ATF7IP2: variants seen among roughly 807,000 people sequenced by gnomAD.
The protein encoded by ATF7IP2 is activating transcription factor 7 interacting protein 2, also known as activating transcription factor 7-interacting protein 2.
ATF7IP2 carries 42 observed loss-of-function variants against 64.2 expected under a neutral mutation model. The ratio of observed to expected loss-of-function variants is 0.65; its 90% CI spans 0.51 to 0.85. The LOEUF is 0.85. Among genes scored for constraint, ATF7IP2 ranks in the 40% least tolerant of loss-of-function variants. The pLI, the probability that ATF7IP2 is intolerant of heterozygous loss-of-function variation, is 0.00. For missense variants in ATF7IP2, 933 were observed against 784.2 expected (o/e 1.19, Z -2.27); for synonymous variants, 308 against 272.8 (o/e 1.13, Z -1.27).
In ATF7IP2 at chr16:10,422,465, C is replaced by G. The variant is rs183826861; in HGVS notation, c.-160+2842C>G. On this transcript the variant is annotated intron_variant, in intron 3 of 13. Transcript: ENST00000562102. Reference sequence around the variant, plus strand: ...TCATTGTTGTAATAAATCTCTCCCCCATAAATTTATAGGTATAGAAGTTAC... The same window carrying G: ...TCATTGTTGTAATAAATCTCTCCCCGATAAATTTATAGGTATAGAAGTTAC... 6.5e-3 allele frequency among the ~76,000 whole-genome samples: 993 copies of G among 152,286 alleles called. 5 individuals carry two copies. Among genetic ancestry groups the G allele is most frequent in the Non-Finnish European group, 0.012 (785 of 68,030 alleles).
chr16:10,474,143 C>A (rs1390357745), intron 12 of ATF7IP2, among the ~76,000 whole-genome samples, 154 bp downstream of exon 12: 3 of 152,158 alleles, frequency 2.0e-5, no homozygotes, highest in Non-Finnish European at 4.4e-5. Flanking sequence ...ATTCATGTAA[C>A]TGCCGTCACA....
chr16:10,418,763 A>T (rs1237824302), intron 2 of ATF7IP2, among the ~76,000 whole-genome samples: 7 of 152,086 alleles, frequency 4.6e-5, no homozygotes, highest in Admixed American at 4.6e-4. Flanking sequence ...CCAAATTTTG[A>T]TCTTATTAAG....
At chr16:10,467,698 A>G (rs1244565793) in intron 9 of ATF7IP2, among the ~76,000 whole-genome samples, 1 of 145,474 alleles carries the variant, frequency 6.9e-6, no homozygotes, top group African/African-American at 2.6e-5. Flanking sequence ...TCCTGAGTAG[A>G]GCTCCCACCA....
chr16:10,399,895 C>G (rs2047493410), intron 1 of ATF7IP2, among the ~76,000 whole-genome samples: 1 of 152,120 alleles, frequency 6.6e-6, no homozygotes, highest in African/African-American at 2.4e-5. Flanking sequence ...TATAGGAGGT[C>G]TTTGACCTCC....
intron 1 of ATF7IP2, chr16:10,387,247 C>T (rs753964553): frequency 6.6e-6 from 1 of 152,290 alleles, no homozygotes; most frequent in East Asian, 1.9e-4. Flanking sequence ...AAAAATGAAG[C>T]ATCTGAATGA....
intron 9 of ATF7IP2, among the ~76,000 whole-genome samples, chr16:10,469,799 T>C (rs1173086746): frequency 6.6e-6 from 1 of 151,526 alleles, no homozygotes; most frequent in East Asian, 1.9e-4. Flanking sequence ...GAACAAAAAG[T>C]AAGAATGGCA....
chr16:10,443,118 C>T lies in ATF7IP2; in HGVS notation c.1194+2656C>T, dbSNP rs565622524. Among the ~76,000 whole-genome samples the T allele has an allele frequency of 2.6e-5, 4 of 152,276 alleles. No individual in the cohort carries two copies. In the South Asian group the frequency reaches 8.3e-4, roughly 32 times the overall value. ...CGCAAGTACTGCTCCAGTTATTTGG[C>T]AGAGTGTCCAATAAGGGTCCACCAC... On this transcript the variant is annotated intron_variant, in intron 8 of 13. Coordinates refer to ENST00000562102, the MANE Select transcript of ATF7IP2 (RefSeq NM_001393719.1).
In ATF7IP2 at chr16:10,428,217, C is replaced by G. The variant is rs147625615; in HGVS notation, c.-159-651C>G. Among the ~76,000 whole-genome samples, 141 of 152,260 alleles carry G rather than the reference C, an allele frequency of 9.3e-4. 1 individual carries two copies. The Middle Eastern group carries it at 0.017, about 18-fold the overall frequency. ...AATGCAGGTTACTGATAGTATTCTA[C>G]TTATTTGTTGCAGGTGTTTCAAAGA... On this transcript the variant is annotated intron_variant, in intron 3 of 13. Transcript: ENST00000562102.
intron 1 of ATF7IP2, among the ~76,000 whole-genome samples, chr16:10,412,073 G>C (rs1372165423): frequency 1.6e-5 from 2 of 127,734 alleles, no homozygotes; most frequent in African/African-American, 3.0e-5. Flanking sequence ...TGTGCACAAG[G>C]TACAGGTTTG....
chr16:10,398,470 C>A (rs1269056221), intron 1 of ATF7IP2, among the ~76,000 whole-genome samples: 1 of 151,970 alleles, frequency 6.6e-6, no homozygotes, highest in African/African-American at 2.4e-5. Context: ...GGATATATAT[C>A]TAAAGGATAT....
At chr16:10,400,440 C>T (rs929363819) in intron 1 of ATF7IP2, among the ~76,000 whole-genome samples, 5 of 152,204 alleles carry the variant, frequency 3.3e-5, no homozygotes, top group African/African-American at 1.2e-4. Flanking sequence ...CATATATCAT[C>T]AGCAAACAGA....
At chr16:10,452,992 C>G (rs763407231) in intron 8 of ATF7IP2, among the ~76,000 whole-genome samples, 5 of 152,288 alleles carry the variant, frequency 3.3e-5, no homozygotes, top group East Asian at 1.9e-4. Context: ...GCGAGAATTT[C>G]AAGCCAGTGG....
intron 1 of ATF7IP2, among the ~76,000 whole-genome samples, chr16:10,400,434 T>A (rs1276673263): frequency 6.6e-6 from 1 of 152,250 alleles, no homozygotes; most frequent in African/African-American, 2.4e-5. Context: ...TAAGATCATA[T>A]ATCATCAGCA....
chr16:10,479,016 G>T (rs1398296276), intron 12 of ATF7IP2, among the ~76,000 whole-genome samples: 38 of 151,342 alleles, frequency 2.5e-4, no homozygotes, highest in African/African-American at 9.0e-4. Flanking sequence ...TGCTGGAGAG[G>T]ATGTGGAGAA....
At chr16:10,470,527 T>C (rs1596611788) in intron 9 of ATF7IP2, among the ~76,000 whole-genome samples, 2 of 152,150 alleles carry the variant, frequency 1.3e-5, no homozygotes, top group South Asian at 2.1e-4. Context: ...CTTACACTTA[T>C]AATCCCAGCA....
Position 10,428,969 on chromosome 16 carries a change from G to T in ATF7IP2, c.-58G>T, listed in dbSNP as rs971339142. 1 of 151,876 alleles carries T rather than the reference G, an allele frequency of 6.6e-6. No homozygotes were observed. Among genetic ancestry groups the T allele is most frequent in the African/African-American group, 2.4e-5 (1 of 41,348 alleles). The allele number at this position is 151,876 out of a possible 1,614,324, so 9.4% of individuals were successfully genotyped here. A position where few individuals can be genotyped will look rare whatever the true frequency, so the allele number is the denominator to read the frequency against. Reference sequence around the variant, plus strand: ...GATCACGGCAGTGTCTAATTCCTGGGCTCAAGTGAACCTTTTGCATCAGCC... The same window carrying T: ...GATCACGGCAGTGTCTAATTCCTGGTCTCAAGTGAACCTTTTGCATCAGCC... On this transcript the variant is annotated 5_prime_UTR_variant, in exon 4 of 14. Transcript: ENST00000562102.
intron 3 of ATF7IP2, among the ~76,000 whole-genome samples, chr16:10,425,272 G>T (rs979115471): frequency 2.1e-5 from 3 of 144,982 alleles, no homozygotes; most frequent in Admixed American, 7.0e-5. Flanking sequence ...GTTTCACCAC[G>T]TTGGCCAGGC....
At chr16:10,469,661 G>A (rs540643467) in intron 9 of ATF7IP2, among the ~76,000 whole-genome samples, 1 of 152,218 alleles carries the variant, frequency 6.6e-6, no homozygotes, top group Non-Finnish European at 1.5e-5. Flanking sequence ...TGTAATCCCA[G>A]CTACTCGGGA....
intron 9 of ATF7IP2, among the ~76,000 whole-genome samples, chr16:10,464,800 T>A (rs1324752902): frequency 6.6e-6 from 1 of 152,216 alleles, no homozygotes; most frequent in Non-Finnish European, 1.5e-5. Flanking sequence ...CATGTGTTGC[T>A]CCCTACTCAT....
Sources: allele counts gnomAD v4.1 joint callset (sites outside exome capture counted in the v4.1 genomes callset), GRCh38; gene constraint gnomAD v4.1.1; transcripts MANE v1.5; gene names NCBI Gene and HGNC (gene_info 2026-07-23, HGNC 2026-07-21).